TTBK1: variants seen among roughly 807,000 people sequenced by gnomAD.
TTBK1 encodes the protein tau tubulin kinase 1.
TTBK1 carries 34 observed loss-of-function variants against 108.5 expected under a neutral mutation model. The ratio of observed to expected loss-of-function variants is 0.31; its 90% CI spans 0.24 to 0.42. TTBK1 has a LOEUF of 0.42. Among genes scored for constraint, TTBK1 ranks in the 10% least tolerant of loss-of-function variants. The pLI, the probability that TTBK1 is intolerant of heterozygous loss-of-function variation, is 1.00. For synonymous variants in TTBK1, 809 were observed against 795.1 expected, an observed-to-expected ratio of 1.02 and a Z score of -0.29; for missense variants, 1,539 against 1,826.0, an observed-to-expected ratio of 0.84 and a Z score of 2.86.
intron 13 of TTBK1, among the ~76,000 whole-genome samples, chr6:43,278,344 G>A (rs1778064572): frequency 6.6e-6 from 1 of 152,174 alleles, no homozygotes. Context: ...ATGGAGGGGA[G>A]GGGCTGGGGC....
In TTBK1 at chr6:43,253,482, G is replaced by A. The variant is rs1777303308; in HGVS notation, c.331-86G>A. ...AAAGGGCAGTGGGCACAACCCTTTGGGGTGAGGCTGGGAAGAGTATCACAA... is the reference window on the plus strand; with the variant it reads ...AAAGGGCAGTGGGCACAACCCTTTGAGGTGAGGCTGGGAAGAGTATCACAA... On this transcript the variant is annotated intron_variant, in intron 4 of 14. Transcript: ENST00000259750. This position sits in a 1 kb window ranked among gnomAD's most constrained non-coding sequence, Gnocchi z 5.8. 6.3e-7 allele frequency: 1 copy of A among 1,590,534 alleles called. No homozygotes were observed. Among genetic ancestry groups the A allele is most frequent in the South Asian group, 1.1e-5 (1 of 88,362 alleles).
chr6:43,262,915 T>C lies in TTBK1; in HGVS notation c.1551T>C (p.Ser517=). Residue 517 remains serine, a synonymous_variant, in exon 13 of 15, where the codon TCT becomes TCC. Transcript: ENST00000259750. ...GTGGCCGCATGGACGTGTCAGCCTC[T>C]GTGGAGCAGGAGGCCCTGAGCAACG... The part of the protein sequence containing the change: ...QASGRMDVSA[S]VEQEALSNAF... 6 of 1,614,048 alleles carry C rather than the reference T, an allele frequency of 3.7e-6. No individual in the cohort carries two copies. The highest frequency in any genetic ancestry group is 5.1e-6 in the Non-Finnish European group (6 of 1,179,964).
chr6:43,277,827 T>C (rs1778048839), intron 13 of TTBK1, among the ~76,000 whole-genome samples: 1 of 152,010 alleles, frequency 6.6e-6, no homozygotes, highest in Admixed American at 6.5e-5. Flanking sequence ...GCACATCTCA[T>C]CTCCTCGCAG....
intron 13 of TTBK1, among the ~76,000 whole-genome samples, chr6:43,266,607 C>G (rs1323374918): frequency 1.3e-5 from 2 of 151,784 alleles, no homozygotes; most frequent in African/African-American, 4.8e-5. Flanking sequence ...CGTCTGAGGT[C>G]TGTGAATTTT....
Position 43,262,844 on chromosome 6 carries a change from G to T in TTBK1, c.1480G>T (p.Ala494Ser). The T allele has an allele frequency of 6.2e-7, 1 of 1,606,950 alleles. No homozygotes were observed. The highest frequency in any genetic ancestry group is 8.5e-7 in the Non-Finnish European group (1 of 1,175,976). Reference sequence around the variant, plus strand: ...GCGCCAGGCCTGCTCCTCTCAGCCAGCCCAGATGCTGTCAGTGGACACAGG... The same window carrying T: ...GCGCCAGGCCTGCTCCTCTCAGCCATCCCAGATGCTGTCAGTGGACACAGG... ...PSRQACSSQPAQMLSVDTGHA... is the reference protein window; with the variant it reads ...PSRQACSSQPSQMLSVDTGHA... Residue 494 changes from alanine (A) to serine (S), a missense_variant, in exon 13 of 15, where the codon GCC (alanine) becomes TCC (serine). By Grantham distance (99) the Ala-to-Ser change is moderately conservative. This residue lies in a region of TTBK1 where 277 missense variants were observed against 332.4 expected (regional missense o/e 0.83). Transcript: ENST00000259750.
Position 43,283,684 on chromosome 6 carries a change from G to A in TTBK1, c.2944G>A (p.Gly982Ser), listed in dbSNP as rs774871646. The A allele has an allele frequency of 6.2e-6, 10 of 1,613,832 alleles. No homozygotes were observed. The East Asian group carries it at 6.7e-5, about 11-fold the overall frequency. Reference sequence around the variant, plus strand: ...GGGGGCCCGAGCGCCCCTGGAGAACGGCCTCGCCCTGTCAGGGCTGAATGG... The same window carrying A: ...GGGGGCCCGAGCGCCCCTGGAGAACAGCCTCGCCCTGTCAGGGCTGAATGG... ...EEGARAPLEN[G>S]LALSGLNGAE... The change falls in exon 14 of 15, where the codon GGC (glycine) becomes AGC (serine). Residue 982 changes from glycine (G) to serine (S), a missense_variant. Gly to Ser is a moderately conservative substitution (Grantham distance 56). Coordinates refer to ENST00000259750, the MANE Select transcript of TTBK1 (RefSeq NM_032538.3). This position sits in a 1 kb window ranked among gnomAD's most constrained non-coding sequence, Gnocchi z 8.1.
chr6:43,257,943 C>A lies in TTBK1; in HGVS notation c.993C>A (p.Thr331=). 1.2e-6 allele frequency: 2 copies of A among 1,613,486 alleles called. No homozygotes were observed. The highest frequency in any genetic ancestry group is 2.2e-5 in the South Asian group (2 of 91,066). Reference sequence around the variant, plus strand: ...CCTCTACCCCGCCCCAGCAGAACACCCGGCAGACGGCAGCCATGTTTGGGT... The same window carrying A: ...CCTCTACCCCGCCCCAGCAGAACACACGGCAGACGGCAGCCATGTTTGGGT... The part of the protein sequence containing the change: ...TSTSTPPQQN[T]RQTAAMFGVV... The change falls in exon 10 of 15, where the codon ACC becomes ACA. Residue 331 remains threonine, a synonymous_variant. Transcript: ENST00000259750. The surrounding 1 kb of genome is among the most constrained non-coding windows in gnomAD (Gnocchi z 4.5).
At chr6:43,251,233 A>G (rs1338266735) in intron 2 of TTBK1, among the ~76,000 whole-genome samples, 1 of 152,092 alleles carries the variant, frequency 6.6e-6, no homozygotes. Context: ...TCACCACTAA[A>G]CAATCACAAG....
At position 43,276,815 on chromosome 6, in the gene TTBK1, G is replaced by A. The variant is rs1778012775; in HGVS notation, c.1987-5912G>A. 1.3e-5 allele frequency among the ~76,000 whole-genome samples: 2 copies of A among 152,144 alleles called. No individual in the cohort carries two copies. The highest frequency in any genetic ancestry group is 2.9e-5 in the Non-Finnish European group (2 of 68,014). On this transcript the variant is annotated intron_variant, in intron 13 of 14. Coordinates refer to ENST00000259750, the MANE Select transcript of TTBK1 (RefSeq NM_032538.3). The surrounding 1 kb of genome is among the most constrained non-coding windows in gnomAD (Gnocchi z 5.4). ...AGGGGTGGGCAAGTTCTGGGTCAGT[G>A]GATGAGCTTCGTCCACACCTTAGCC...
Position 43,282,246 on chromosome 6 carries a change from G to T in TTBK1, c.1987-481G>T, listed in dbSNP as rs140045826. 2.0e-5 allele frequency among the ~76,000 whole-genome samples: 3 copies of T among 152,194 alleles called. No homozygotes were observed. Among genetic ancestry groups the T allele is most frequent in the Non-Finnish European group, 1.5e-5 (1 of 68,038 alleles). On this transcript the variant is annotated intron_variant, in intron 13 of 14. Coordinates refer to ENST00000259750, the MANE Select transcript of TTBK1 (RefSeq NM_032538.3). The surrounding 1 kb of genome is among the most constrained non-coding windows in gnomAD (Gnocchi z 5.4). ...ACTGAGGGCATCTAGGAGCCAGCCC[G>T]GCACAGCCCATCCAGGAAGTGGCAC...
intron 10 of TTBK1, 133 bp from the exon 11 acceptor site, chr6:43,258,903 ACT>A (rs1449083014): frequency 8.0e-6 from 5 of 621,600 alleles, no homozygotes; most frequent in Non-Finnish European, 1.4e-5. Flanking sequence ...GCCTAGGGAC[ACT>A]CTCACCCCTG....
chr6:43,253,221 G>A lies in TTBK1; in HGVS notation c.257-70G>A. The A allele has an allele frequency of 1.9e-6, 3 of 1,544,488 alleles. No homozygotes were observed. The highest frequency in any genetic ancestry group is 2.2e-5 in the East Asian group (1 of 44,574). Reference sequence around the variant, plus strand: ...GGACCAGGAATCAAGAGTGCACTAGGAACCCATCTTAGGGTTGGAAATGAG... The same window carrying A: ...GGACCAGGAATCAAGAGTGCACTAGAAACCCATCTTAGGGTTGGAAATGAG... On this transcript the variant is annotated intron_variant, in intron 3 of 14. Coordinates refer to ENST00000259750, the MANE Select transcript of TTBK1 (RefSeq NM_032538.3). The surrounding 1 kb of genome is among the most constrained non-coding windows in gnomAD (Gnocchi z 5.8).
Position 43,259,057 on chromosome 6 carries a change from G to A in TTBK1, c.1036G>A (p.Val346Met), listed in dbSNP as rs1203777998. The A allele has an allele frequency of 3.1e-6, 5 of 1,613,136 alleles. No individual in the cohort carries two copies. The highest frequency in any genetic ancestry group is 4.2e-6 in the Non-Finnish European group (5 of 1,179,478). Reference protein sequence around the residue: ...AMFGVVNVTPVPGDLLRENTE... With the variant: ...AMFGVVNVTPMPGDLLRENTE... ...CTCCAGGGTGGTCAATGTGACGCCA[G>A]TGCCTGGGGACCTGCTCCGGGAGAA... is the stretch of plus-strand genomic sequence containing the variant. Residue 346 changes from valine (V) to methionine (M), a missense_variant, in exon 11 of 15, where the codon GTG becomes ATG. Coordinates refer to ENST00000259750, the MANE Select transcript of TTBK1 (RefSeq NM_032538.3). The surrounding 1 kb of genome is among the most constrained non-coding windows in gnomAD (Gnocchi z 6.7).
chr6:43,283,553 A>G lies in TTBK1; in HGVS notation c.2813A>G (p.His938Arg), dbSNP rs1582525125. ...TTTGTGCACATTGCGGAGAAAACCC[A>G]CCTCAACGTCATGTCTTCCGGTGGA... Reference protein sequence around the residue: ...RTFVHIAEKTHLNVMSSGGQA... With the variant: ...RTFVHIAEKTRLNVMSSGGQA... Residue 938 changes from histidine (H) to arginine (R), a missense_variant, in exon 14 of 15, where the codon CAC becomes CGC. Physicochemically the swap from His to Arg is conservative, Grantham distance 29. This residue lies in a region of TTBK1 where 1,055 missense variants were observed against 1,086.5 expected (regional missense o/e 0.97). Transcript: ENST00000259750. The surrounding 1 kb of genome is among the most constrained non-coding windows in gnomAD (Gnocchi z 8.1). The G allele has an allele frequency of 6.2e-7, 1 of 1,613,896 alleles. No individual in the cohort carries two copies.
chr6:43,283,546 A>G lies in TTBK1; in HGVS notation c.2806A>G (p.Lys936Glu), dbSNP rs1332709667. The G allele has an allele frequency of 6.2e-7, 1 of 1,614,022 alleles. No homozygotes were observed. The highest frequency in any genetic ancestry group is 8.5e-7 in the Non-Finnish European group (1 of 1,180,000). Reference protein sequence around the residue: ...VERTFVHIAEKTHLNVMSSGG... With the variant: ...VERTFVHIAEETHLNVMSSGG... ...GAGGACCTTTGTGCACATTGCGGAG[A>G]AAACCCACCTCAACGTCATGTCTTC... The change falls in exon 14 of 15, where the codon AAA (lysine) becomes GAA (glutamate). Residue 936 changes from lysine (K) to glutamate (E), a missense_variant. Coordinates refer to ENST00000259750, the MANE Select transcript of TTBK1 (RefSeq NM_032538.3). The surrounding 1 kb of genome is among the most constrained non-coding windows in gnomAD (Gnocchi z 8.1).
At chr6:43,252,212 G>GTGTA (rs1777263149) in intron 2 of TTBK1, among the ~76,000 whole-genome samples, 1 of 150,974 alleles carries the variant, frequency 6.6e-6, no homozygotes. Flanking sequence ...GTGTGTGTGT[G>GTGTA]TGTGTGTGTG....
intron 13 of TTBK1, among the ~76,000 whole-genome samples, chr6:43,264,691 G>T (rs1199902191): frequency 2.0e-5 from 3 of 152,198 alleles, no homozygotes; most frequent in Non-Finnish European, 4.4e-5. Context: ...TCGAAATCAG[G>T]GCAGGAGAGG....
At chr6:43,250,638 C>T (rs1015504888) in intron 2 of TTBK1, among the ~76,000 whole-genome samples, 2 of 152,122 alleles carry the variant, frequency 1.3e-5, no homozygotes, top group Admixed American at 6.5e-5. Context: ...AGATTACAGG[C>T]GGGAGCCACC....
rs986709509 is a variant in TTBK1 at position 43,269,503 on chromosome 6, T to G, written c.1986+6153T>G. The G allele has an allele frequency of 2.1e-6, 2 of 953,602 alleles. No individual in the cohort carries two copies. The highest frequency in any genetic ancestry group is 1.5e-6 in the Non-Finnish European group (1 of 672,250). 59.1% of individuals were successfully genotyped at this position (953,602 alleles called of 1,614,324 possible). A position where few individuals can be genotyped will look rare whatever the true frequency, so the allele number is the denominator to read the frequency against. On this transcript the variant is annotated intron_variant, in intron 13 of 14. Coordinates refer to ENST00000259750, the MANE Select transcript of TTBK1 (RefSeq NM_032538.3). This position sits in a 1 kb window ranked among gnomAD's most constrained non-coding sequence, Gnocchi z 4.8. ...ACCTTGGGGCGGGTGGTTTGCACCCTCCTCCACCCTGCCTGACCCCGCCCA... is the reference window on the plus strand; with the variant it reads ...ACCTTGGGGCGGGTGGTTTGCACCCGCCTCCACCCTGCCTGACCCCGCCCA...
Sources: gnomAD v4.1 joint callset for allele counts (sites outside exome capture counted in the v4.1 genomes callset) on GRCh38, gnomAD v4.1.1 for gene constraint, gnomAD v4.1.1 regional missense constraint, Gnocchi (gnomAD v3.1) non-coding constraint, MANE v1.5 for transcripts, NCBI Gene and HGNC (gene_info 2026-07-23, HGNC 2026-07-21) for gene names.